CACHD1: variants seen among roughly 807,000 people sequenced by gnomAD.
CACHD1 encodes the protein cache domain containing 1, also known as VWFA and cache domain-containing protein 1.
CACHD1 carries 71 observed loss-of-function variants against 138.7 expected under a neutral mutation model. That is an observed-to-expected ratio of 0.51 (90% CI 0.42 to 0.62). CACHD1 has a LOEUF of 0.62. CACHD1 is among the 20% of genes least tolerant of loss of function. CACHD1 has a pLI of 0.00. For missense variants in CACHD1, 1,389 were observed against 1,625.3 expected (o/e 0.85, Z 2.50); for synonymous variants, 578 against 591.5 (o/e 0.98, Z 0.33).
intron 1 of CACHD1, among the ~76,000 whole-genome samples, chr1:64,539,418 T>C (rs1428575382): frequency 6.6e-6 from 1 of 152,166 alleles, no homozygotes; most frequent in African/African-American, 2.4e-5. Flanking sequence ...CCCTGCACAG[T>C]CTATGTATTC....
chr1:64,596,990 C>T (rs1315009042), intron 3 of CACHD1, among the ~76,000 whole-genome samples: 3 of 152,040 alleles, frequency 2.0e-5, no homozygotes, highest in Non-Finnish European at 4.4e-5. Context: ...TTGAGAAAAA[C>T]CCAGGTTTCT....
chr1:64,676,768 G>T (rs995797664), intron 21 of CACHD1, 127 bp from the exon 22 acceptor site: 1 of 685,592 alleles, frequency 1.5e-6, no homozygotes, highest in Non-Finnish European at 2.6e-6. Context: ...ATTGATACAA[G>T]GTTACACACT....
intron 4 of CACHD1, among the ~76,000 whole-genome samples, chr1:64,609,519 C>A (rs1180286646): frequency 6.6e-6 from 1 of 152,174 alleles, no homozygotes. Flanking sequence ...AGGTCTCTTT[C>A]TTTACCTGCT....
chr1:64,681,892 C>T lies in CACHD1; in HGVS notation c.3485-113C>T, dbSNP rs1650203407. On this transcript the variant is annotated intron_variant, in intron 25 of 26. Coordinates refer to ENST00000651257, the MANE Select transcript of CACHD1 (RefSeq NM_020925.4). ...TTGTTTAAAAAATGATTTATTCTGG[C>T]TTTCCAAAGAGAATTCTCCCAGCAT... 4.4e-6 allele frequency: 4 copies of T among 899,380 alleles called. No homozygotes were observed. The South Asian group carries it at 6.0e-5, about 13-fold the overall frequency. 55.7% of individuals were successfully genotyped at this position (899,380 alleles called of 1,614,324 possible).
intron 4 of CACHD1, among the ~76,000 whole-genome samples, chr1:64,606,426 C>T (rs1647343208): frequency 6.6e-6 from 1 of 152,068 alleles, no homozygotes; most frequent in Non-Finnish European, 1.5e-5. Context: ...TGCAAGAAGG[C>T]CACTGTAACT....
intron 1 of CACHD1, among the ~76,000 whole-genome samples, chr1:64,510,659 C>T (rs1156299729): frequency 1.3e-5 from 2 of 152,042 alleles, no homozygotes; most frequent in African/African-American, 2.4e-5. Flanking sequence ...AAGTTCATTT[C>T]TGTCTTTTAT....
intron 4 of CACHD1, among the ~76,000 whole-genome samples, chr1:64,616,707 A>AT (rs892457176): frequency 2.0e-5 from 3 of 152,122 alleles, no homozygotes; most frequent in Non-Finnish European, 4.4e-5. Context: ...CAACTGAGAG[A>AT]TTTTAAGCAG....
intron 4 of CACHD1, among the ~76,000 whole-genome samples, chr1:64,614,220 A>G (rs1647631428): frequency 6.6e-6 from 1 of 151,948 alleles, no homozygotes; most frequent in South Asian, 2.1e-4. Context: ...TTTAGTCTAG[A>G]CACCAGCTGG....
intron 8 of CACHD1, among the ~76,000 whole-genome samples, chr1:64,647,458 G>C (rs1377325536): frequency 6.6e-6 from 1 of 152,090 alleles, no homozygotes; most frequent in East Asian, 1.9e-4. Context: ...TATTACTTTT[G>C]CTTTTAAATA....
At chr1:64,500,717 T>TAAAAAAAAAAAAAAAAA (rs72436564) in intron 1 of CACHD1, among the ~76,000 whole-genome samples, 36 of 33,948 alleles carry the variant, frequency 1.1e-3, no homozygotes, top group East Asian at 6.8e-3. Flanking sequence ...CCTTGTCTCT[T>TAAAAAAAAAAAAAAAAA]AAAAAAAAAA....
At chr1:64,520,064 C>G (rs1646487234) in intron 1 of CACHD1, among the ~76,000 whole-genome samples, 1 of 152,178 alleles carries the variant, frequency 6.6e-6, no homozygotes, top group South Asian at 2.1e-4. Context: ...GTTCTGCTCA[C>G]CACTTTGCAT....
chr1:64,578,889 C>G (rs1438476193), intron 2 of CACHD1, among the ~76,000 whole-genome samples: 1 of 152,184 alleles, frequency 6.6e-6, no homozygotes, highest in African/African-American at 2.4e-5. Context: ...CATCATAAGC[C>G]TACCCAGATT....
intron 4 of CACHD1, among the ~76,000 whole-genome samples, chr1:64,606,431 G>A (rs1308691576): frequency 6.6e-6 from 1 of 152,186 alleles, no homozygotes; most frequent in Non-Finnish European, 1.5e-5. Context: ...GAAGGCCACT[G>A]TAACTGTGGT....
At chr1:64,635,171 G>A (rs1305558247) in intron 7 of CACHD1, among the ~76,000 whole-genome samples, 1 of 151,756 alleles carries the variant, frequency 6.6e-6, no homozygotes, top group African/African-American at 2.4e-5. Context: ...TTTAGATCAT[G>A]TCTGCACTTA....
chr1:64,671,085 C>T (rs1388846789), intron 16 of CACHD1, among the ~76,000 whole-genome samples: 3 of 152,186 alleles, frequency 2.0e-5, no homozygotes, highest in African/African-American at 7.2e-5. Flanking sequence ...CTGGACTAGA[C>T]ATTGTTCCTC....
chr1:64,583,764 G>A (rs1245782326), intron 3 of CACHD1, among the ~76,000 whole-genome samples: 1 of 152,116 alleles, frequency 6.6e-6, no homozygotes, highest in Non-Finnish European at 1.5e-5. Flanking sequence ...GTCTTATATG[G>A]TGGCAGGAAA....
rs1041767553 is a variant in CACHD1, at chr1:64,681,409, C to A, written c.3484+74C>A. 9 of 1,197,754 alleles carry A rather than the reference C, an allele frequency of 7.5e-6. No homozygotes were observed. The African/African-American group carries it at 1.4e-4, about 18-fold the overall frequency. The allele number at this position is 1,197,754 out of a possible 1,614,324, so 74.2% of individuals were successfully genotyped here. A position where few individuals can be genotyped will look rare whatever the true frequency, so the allele number is the denominator to read the frequency against. ...CCAGAATAAATATTCTTTCTTATAT[C>A]CTTTTGGCTTGTATTAAAATTTAAG... On this transcript the variant is annotated intron_variant, in intron 25 of 26. Transcript: ENST00000651257.
chr1:64,633,475 C>A (rs1648387176), intron 6 of CACHD1, among the ~76,000 whole-genome samples: 2 of 152,038 alleles, frequency 1.3e-5, no homozygotes. Context: ...GATTTGGATG[C>A]TGATGGATGG....
chr1:64,527,235 T>A (rs1646547958), intron 1 of CACHD1, among the ~76,000 whole-genome samples: 1 of 152,174 alleles, frequency 6.6e-6, no homozygotes, highest in East Asian at 1.9e-4. Flanking sequence ...CTGATTGCCT[T>A]GAAGCTGGGA....
Sources: gnomAD v4.1 joint callset for allele counts (sites outside exome capture counted in the v4.1 genomes callset) on GRCh38, gnomAD v4.1.1 for gene constraint, MANE v1.5 for transcripts, NCBI Gene and HGNC (gene_info 2026-07-23, HGNC 2026-07-21) for gene names.